Variants in PACRG observed in about 807,000 individuals in gnomAD.
PACRG encodes the protein parkin coregulated.
Under a neutral mutation model 29.7 loss-of-function variants are expected in PACRG, and 29 were observed. The observed-to-expected ratio is 0.98, with a 90% CI of 0.73 to 1.33. The LOEUF is 1.33. Ranked by LOEUF, PACRG falls within the 40% of genes most tolerant of loss-of-function variation. The pLI, the probability that PACRG is intolerant of heterozygous loss-of-function variation, is 0.00. For missense variants in PACRG, 279 were observed against 316.2 expected (o/e 0.88, Z 0.89); for synonymous variants, 116 against 118.7 (o/e 0.98, Z 0.15).
rs140999834 is a variant in PACRG, at chr6:162,927,366, A to G, written c.291+113085A>G. Among the ~76,000 whole-genome samples, 1,208 of 152,274 alleles carry G rather than the reference A, an allele frequency of 7.9e-3. 29 individuals are homozygous for G. The highest frequency in any genetic ancestry group is 0.028 in the African/African-American group (1,145 of 41,572). ...ATACATGCAAATGTATGTTTATTGC[A>G]GTACTATTCACAATAGCAAAGACAT... is the stretch of plus-strand genomic sequence containing the variant. On this transcript the variant is annotated intron_variant, in intron 2 of 4. Coordinates refer to ENST00000366888, the MANE Select transcript of PACRG (RefSeq NM_001080379.2).
intron 4 of PACRG, among the ~76,000 whole-genome samples, chr6:163,157,774 C>T (rs1354718503): frequency 6.6e-6 from 1 of 152,218 alleles, no homozygotes; most frequent in African/African-American, 2.4e-5. Flanking sequence ...TTCTATCATT[C>T]CTTATGTTCT....
At chr6:163,054,732 A>G (rs1810388612) in intron 2 of PACRG, among the ~76,000 whole-genome samples, 1 of 152,102 alleles carries the variant, frequency 6.6e-6, no homozygotes, top group African/African-American at 2.4e-5. Context: ...AGCCATCCTC[A>G]TCCCATTTTG....
At chr6:162,993,017 G>GTTGTT (rs1562810824) in intron 2 of PACRG, among the ~76,000 whole-genome samples, 2 of 147,522 alleles carry the variant, frequency 1.4e-5, no homozygotes, top group African/African-American at 5.0e-5. Flanking sequence ...TCATTCAGGA[G>GTTGTT]CAGGTTGTTC....
intron 4 of PACRG, among the ~76,000 whole-genome samples, chr6:163,133,094 G>A (rs898025612): frequency 1.3e-5 from 2 of 152,154 alleles, no homozygotes; most frequent in East Asian, 3.8e-4. Context: ...GGCCAGTATT[G>A]GTCAGGTGCA....
chr6:162,906,483 C>T (rs1022130878), intron 2 of PACRG, among the ~76,000 whole-genome samples: 6 of 152,124 alleles, frequency 3.9e-5, no homozygotes, highest in African/African-American at 9.7e-5. Flanking sequence ...TTCAAACAAC[C>T]GTCTAATTTG....
intron 2 of PACRG, among the ~76,000 whole-genome samples, chr6:162,952,385 C>G (rs913842590): frequency 3.3e-5 from 5 of 152,120 alleles, no homozygotes; most frequent in African/African-American, 1.2e-4. Context: ...ATAACCCTTT[C>G]CTCTTTAATG....
chr6:162,814,357 G>A lies in PACRG; in HGVS notation c.291+76G>A, dbSNP rs750493835. The A allele has an allele frequency of 1.8e-4, 268 of 1,529,960 alleles. No individual in the cohort carries two copies. In the Middle Eastern group the frequency reaches 5.6e-3, roughly 32 times the overall value. The allele number at this position is 1,529,960 out of a possible 1,614,324, so 94.8% of individuals were successfully genotyped here. A position where few individuals can be genotyped will look rare whatever the true frequency, so the allele number is the denominator to read the frequency against. On this transcript the variant is annotated intron_variant, in intron 2 of 4. Coordinates refer to ENST00000366888, the MANE Select transcript of PACRG (RefSeq NM_001080379.2). Reference sequence around the variant, plus strand: ...CTCCCAATGCCAAACACACTTGGCTGCTTAAGTAAATAAACTGGAGTCATT... The same window carrying A: ...CTCCCAATGCCAAACACACTTGGCTACTTAAGTAAATAAACTGGAGTCATT...
At chr6:163,225,266 G>T (rs574739192) in intron 4 of PACRG, among the ~76,000 whole-genome samples, 2 of 152,210 alleles carry the variant, frequency 1.3e-5, no homozygotes, top group African/African-American at 4.8e-5. Flanking sequence ...ATCCCCACAT[G>T]TCTAGGGAGA....
intron 4 of PACRG, among the ~76,000 whole-genome samples, chr6:163,102,942 T>C (rs1815181275): frequency 6.6e-6 from 1 of 152,262 alleles, no homozygotes; most frequent in African/African-American, 2.4e-5. Context: ...CAGGGACTTT[T>C]GTCTTTTTTT....
chr6:163,006,921 C>A (rs1805173710), intron 2 of PACRG, among the ~76,000 whole-genome samples: 1 of 151,068 alleles, frequency 6.6e-6, no homozygotes, highest in South Asian at 2.1e-4. Context: ...TTAATTGCTT[C>A]TATTATGATT....
chr6:163,208,266 ATTTTC>A (rs5881513), intron 4 of PACRG, among the ~76,000 whole-genome samples: 45 of 151,178 alleles, frequency 3.0e-4, no homozygotes, highest in Non-Finnish European at 5.9e-4. Context: ...TATATTGGAG[ATTTTC>A]TTTTCTTTTC....
chr6:163,306,753 T>G (rs1336331386), intron 4 of PACRG, among the ~76,000 whole-genome samples: 1 of 152,214 alleles, frequency 6.6e-6, no homozygotes, highest in African/African-American at 2.4e-5. Context: ...CTTTGAAGAA[T>G]TACATAGTTG....
chr6:163,034,641 A>C (rs1480615683), intron 2 of PACRG, among the ~76,000 whole-genome samples: 4 of 152,148 alleles, frequency 2.6e-5, no homozygotes, highest in Non-Finnish European at 5.9e-5. Flanking sequence ...TCAGTGCCAT[A>C]GTCTCTTTCC....
At chr6:163,260,317 C>T (rs941302581) in intron 4 of PACRG, among the ~76,000 whole-genome samples, 1 of 152,200 alleles carries the variant, frequency 6.6e-6, no homozygotes, top group African/African-American at 2.4e-5. Context: ...TCTTCAGCTC[C>T]CACGTTGGTC....
chr6:162,879,548 T>C (rs1793657186), intron 2 of PACRG, among the ~76,000 whole-genome samples: 1 of 152,238 alleles, frequency 6.6e-6, no homozygotes. Flanking sequence ...AGATGTACCA[T>C]ATACAGATTT....
chr6:163,259,517 C>T (rs528471661), intron 4 of PACRG, among the ~76,000 whole-genome samples: 12 of 152,250 alleles, frequency 7.9e-5, no homozygotes, highest in Non-Finnish European at 1.3e-4. Flanking sequence ...CTCTGTCATC[C>T]GAGGTGACCT....
chr6:163,065,957 A>T (rs1046384062), intron 3 of PACRG, among the ~76,000 whole-genome samples: 1 of 152,338 alleles, frequency 6.6e-6, no homozygotes, highest in African/African-American at 2.4e-5. Flanking sequence ...AACACAAAAG[A>T]GTTAAAAGTT....
At chr6:163,137,054 A>T (rs1816965122) in intron 4 of PACRG, among the ~76,000 whole-genome samples, 1 of 152,210 alleles carries the variant, frequency 6.6e-6, no homozygotes. Context: ...CTATTCTGAG[A>T]TATAAAAATA....
At chr6:163,084,805 A>C (rs1181693378) in intron 3 of PACRG, among the ~76,000 whole-genome samples, 1 of 150,048 alleles carries the variant, frequency 6.7e-6, no homozygotes, top group Non-Finnish European at 1.5e-5. Context: ...CCTAATAAAA[A>C]TTTAATGTTA....
Sources: gnomAD v4.1 joint callset for allele counts (sites outside exome capture counted in the v4.1 genomes callset) on GRCh38, gnomAD v4.1.1 for gene constraint, MANE v1.5 for transcripts, NCBI Gene and HGNC (gene_info 2026-07-23, HGNC 2026-07-21) for gene names.